SLC4A1AP: variants seen among roughly 807,000 people sequenced by gnomAD.
The protein encoded by SLC4A1AP is solute carrier family 4 member 1 adaptor protein, also known as kanadaptin.
A neutral mutation model predicts 89.7 loss-of-function variants in SLC4A1AP; 64 were observed. The observed-to-expected ratio is 0.71, with a 90% confidence interval of 0.58 to 0.88. The LOEUF (loss-of-function observed/expected upper bound fraction) is 0.88. SLC4A1AP is among the 40% of genes least tolerant of loss of function. SLC4A1AP has a pLI of 0.00. For missense variants in SLC4A1AP, 931 were observed against 965.0 expected (o/e 0.96, Z 0.47); for synonymous variants, 366 against 353.3 (o/e 1.04, Z -0.40).
exon 1 of SLC4A1AP, chr2:27,664,091 T>C: frequency 6.2e-7 from 1 of 1,614,156 alleles, no homozygotes; most frequent in Non-Finnish European, 8.5e-7. Flanking sequence ...ACTCCAATTC[T>C]GGGGAGCCCG....
At chr2:27,688,846 C>A in intron 12 of SLC4A1AP, 79 bp downstream of exon 12, 1 of 1,090,016 alleles carries the variant, frequency 9.2e-7, no homozygotes, top group Non-Finnish European at 1.3e-6. Flanking sequence ...TCTTTGGAGA[C>A]TGACTTAACA....
intron 8 of SLC4A1AP, among the ~76,000 whole-genome samples, chr2:27,679,537 G>T (rs1675583909): frequency 6.6e-6 from 1 of 152,184 alleles, no homozygotes; most frequent in South Asian, 2.1e-4. Flanking sequence ...GGAAGGTGGA[G>T]CTGGCAGTGA....
At chr2:27,693,308 G>A (rs1366034870) in intron 12 of SLC4A1AP, 1 of 171,392 alleles carries the variant, frequency 5.8e-6, no homozygotes. Context: ...GTGAGGTACT[G>A]TTACAGTCAT....
intron 10 of SLC4A1AP, among the ~76,000 whole-genome samples, chr2:27,686,244 A>G (rs1675703968): frequency 6.6e-6 from 1 of 152,190 alleles, no homozygotes. Flanking sequence ...CAGAAAAGTT[A>G]CTGTTTCCTC....
At chr2:27,682,277 A>G (rs1675631312) in exon 9 of SLC4A1AP, 1 of 1,613,712 alleles carries the variant, frequency 6.2e-7, no homozygotes, top group Non-Finnish European at 8.5e-7. Context: ...GGTGCAGAAA[A>G]CAAAGCTAAA....
chr2:27,680,838 T>TAA (rs766818052), intron 8 of SLC4A1AP, among the ~76,000 whole-genome samples: 1 of 128,258 alleles, frequency 7.8e-6, no homozygotes, highest in Non-Finnish European at 1.7e-5. Context: ...CAAGAAGAAT[T>TAA]AAAAAAAAAA....
chr2:27,669,155 TAAA>T, intron 4 of SLC4A1AP, 90 bp from the exon 5 acceptor site: 1 of 1,179,262 alleles, frequency 8.5e-7, no homozygotes, highest in Non-Finnish European at 1.2e-6. Context: ...AAAGGCCATC[TAAA>T]AAAAAAATGA....
chr2:27,675,335 C>T (rs1206368456), intron 5 of SLC4A1AP, among the ~76,000 whole-genome samples, 197 bp from the exon 6 acceptor site: 2 of 152,164 alleles, frequency 1.3e-5, no homozygotes, highest in Non-Finnish European at 2.9e-5. Flanking sequence ...CAGTAAGTGT[C>T]CTTTTATATA....
intron 12 of SLC4A1AP, among the ~76,000 whole-genome samples, chr2:27,689,188 T>C (rs1675751352): frequency 6.6e-6 from 1 of 152,200 alleles, no homozygotes; most frequent in South Asian, 2.1e-4. Flanking sequence ...TCTCACCATA[T>C]GGAGGACGTT....
intron 5 of SLC4A1AP, among the ~76,000 whole-genome samples, chr2:27,673,774 T>C (rs1033169510): frequency 2.0e-5 from 3 of 152,032 alleles, no homozygotes; most frequent in African/African-American, 7.3e-5. Context: ...ACCTGCAAAT[T>C]AGGCTTATAT....
At chr2:27,693,567 C>T in intron 12 of SLC4A1AP, 118 bp from the exon 13 acceptor site, 1 of 664,638 alleles carries the variant, frequency 1.5e-6, no homozygotes, top group South Asian at 2.3e-5. Flanking sequence ...ATACAAAATT[C>T]TTGACTAATG....
At chr2:27,672,231 G>GT (rs1675437092) in intron 5 of SLC4A1AP, among the ~76,000 whole-genome samples, 1 of 151,914 alleles carries the variant, frequency 6.6e-6, no homozygotes, top group South Asian at 2.1e-4. Context: ...TAATTGTTTC[G>GT]TCCCTCTGTT....
intron 9 of SLC4A1AP, among the ~76,000 whole-genome samples, chr2:27,683,606 A>T (rs969716689): frequency 6.6e-6 from 1 of 152,128 alleles, no homozygotes. Flanking sequence ...ATTTACAGTC[A>T]TATTCTGAGG....
chr2:27,675,758 AT>A, intron 6 of SLC4A1AP, 66 bp downstream of exon 6: 2 of 1,034,868 alleles, frequency 1.9e-6, no homozygotes, highest in Non-Finnish European at 2.6e-6. Flanking sequence ...ATAATGTATT[AT>A]TTAAATATGT....
Position 27,664,595 on chromosome 2 carries a change from G to T in SLC4A1AP, c.825+18G>T, listed in dbSNP as rs779989092. 21 of 1,576,970 alleles carry T rather than the reference G, an allele frequency of 1.3e-5. No homozygotes were observed. Among genetic ancestry groups the T allele is most frequent in the Non-Finnish European group, 1.8e-5 (21 of 1,156,582 alleles). On this transcript the variant is annotated intron_variant, in intron 1 of 13. Transcript: ENST00000613058. ...TCCTGCAGGTAGGTAGAAAAACCTA[G>T]AATTGAAATTTCGGGTTCATTGGAC...
At chr2:27,688,047 T>C in intron 11 of SLC4A1AP, 27 bp downstream of exon 11, 1 of 1,586,860 alleles carries the variant, frequency 6.3e-7, no homozygotes, top group South Asian at 1.1e-5. Flanking sequence ...CCTTCATTGC[T>C]GCTCTGCACA....
At chr2:27,673,978 G>GACATAT (rs1254391713) in intron 5 of SLC4A1AP, among the ~76,000 whole-genome samples, 2 of 149,454 alleles carry the variant, frequency 1.3e-5, no homozygotes, top group Non-Finnish European at 3.0e-5. Context: ...GCATCACCAG[G>GACATAT]ACATATACAA....
At chr2:27,689,694 C>T (rs887497459) in intron 12 of SLC4A1AP, among the ~76,000 whole-genome samples, 16 of 152,218 alleles carry the variant, frequency 1.1e-4, no homozygotes, top group African/African-American at 3.9e-4. Context: ...AGAAGGAAAG[C>T]AGGTGTTCAG....
At chr2:27,681,130 GA>G (rs1437422309) in intron 8 of SLC4A1AP, among the ~76,000 whole-genome samples, 1 of 152,166 alleles carries the variant, frequency 6.6e-6, no homozygotes, top group Admixed American at 6.5e-5. Flanking sequence ...TAATGTAGCT[GA>G]AAACATCTGT....
Sources: allele counts gnomAD v4.1 joint callset (sites outside exome capture counted in the v4.1 genomes callset), GRCh38; gene constraint gnomAD v4.1.1; transcripts MANE v1.5; gene names NCBI Gene and HGNC (gene_info 2026-07-23, HGNC 2026-07-21).